RNASE4: variants seen among roughly 807,000 people sequenced by gnomAD.
The protein encoded by RNASE4 is ribonuclease 4.
For synonymous variants in RNASE4, 93 were observed against 71.4 expected (o/e 1.30, Z -1.52); for missense variants, 194 against 192.8 (o/e 1.01, Z -0.04).
intron 1 of RNASE4, among the ~76,000 whole-genome samples, chr14:20,685,270 C>A (rs1183875235): frequency 6.6e-6 from 1 of 152,158 alleles, no homozygotes; most frequent in Non-Finnish European, 1.5e-5. Flanking sequence ...CTAAGCCTTC[C>A]TACTGGAAGG....
chr14:20,693,463 G>A, intron 1 of RNASE4: 5 of 1,554,010 alleles, frequency 3.2e-6, no homozygotes, highest in Middle Eastern at 4.6e-4. Context: ...ATGATGCCGT[G>A]TCAGAGAGCA....
chr14:20,688,914 C>T (rs1886553562), intron 1 of RNASE4: 6 of 952,250 alleles, frequency 6.3e-6, no homozygotes, highest in South Asian at 9.7e-5. Context: ...TTATTTCTAG[C>T]CATCCATCCA....
chr14:20,699,752 C>T lies in RNASE4; in HGVS notation c.381C>T (p.Ser127=). The T allele has an allele frequency of 1.9e-6, 3 of 1,611,770 alleles. No individual in the cohort carries two copies. Among genetic ancestry groups the T allele is most frequent in the Middle Eastern group, 3.3e-4 (2 of 6,062 alleles). The change falls in exon 2 of 2, where the codon AGC becomes AGT. Residue 127 remains serine, a synonymous_variant. Coordinates refer to ENST00000555835, the MANE Select transcript of RNASE4 (RefSeq NM_002937.5). ...ACTGCAGATATCGGGCCATAGCGAGCACTAGACGTGTTGTCATTGCCTGTG... is the reference window on the plus strand; with the variant it reads ...ACTGCAGATATCGGGCCATAGCGAGTACTAGACGTGTTGTCATTGCCTGTG... The part of the protein sequence containing the change: ...APNCRYRAIA[S]TRRVVIACEG...
intron 1 of RNASE4, among the ~76,000 whole-genome samples, chr14:20,695,168 G>A (rs762301368): frequency 2.6e-5 from 4 of 152,130 alleles, no homozygotes; most frequent in African/African-American, 4.8e-5. Context: ...AAGCTGAGGC[G>A]GACAGATCAC....
intron 1 of RNASE4, among the ~76,000 whole-genome samples, chr14:20,690,221 C>CAAAAAAAAAAAAAAAAA (rs36091065): frequency 2.5e-4 from 17 of 67,982 alleles, no homozygotes; most frequent in Non-Finnish European, 3.5e-4. Context: ...GACTCCGTCT[C>CAAAAAAAAAAAAAAAAA]AAAAAAAAAA....
intron 1 of RNASE4, chr14:20,688,617 C>A (rs1488144768): frequency 3.5e-6 from 3 of 853,744 alleles, no homozygotes; most frequent in Non-Finnish European, 4.2e-6. Flanking sequence ...ATCTCTAATC[C>A]ATTCAGGTGG....
Position 20,701,166 on chromosome 14 carries a change from A to T in RNASE4, c.*1351A>T, listed in dbSNP as rs931611110. ...CTCCCTTTGCTGACTCCTTTTTTGG[A>T]CTCAGTCTGCCTGCACCCAGGTGAT... On this transcript the variant is annotated 3_prime_UTR_variant, in exon 2 of 2. Transcript: ENST00000555835. The T allele has an allele frequency of 6.6e-6, 1 of 151,966 alleles. No individual in the cohort carries two copies. Among genetic ancestry groups the T allele is most frequent in the African/African-American group, 2.4e-5 (1 of 41,348 alleles). 9.4% of individuals were successfully genotyped at this position (151,966 alleles called of 1,614,324 possible).
rs1265169552 is a variant in RNASE4 at position 20,700,568 on chromosome 14, T to A, written c.*753T>A. 1 of 167,100 alleles carries A rather than the reference T, an allele frequency of 6.0e-6. No individual in the cohort carries two copies. The highest frequency in any genetic ancestry group is 1.5e-5 in the Non-Finnish European group (1 of 68,122). The allele number at this position is 167,100 out of a possible 1,614,324, so 10.4% of individuals were successfully genotyped here. On this transcript the variant is annotated 3_prime_UTR_variant, in exon 2 of 2. Coordinates refer to ENST00000555835, the MANE Select transcript of RNASE4 (RefSeq NM_002937.5). Reference sequence around the variant, plus strand: ...ATTGAAAGATTTTTTATGTTTTCCTTGTAATAAAGGACCTAAACCGAAGGT... The same window carrying A: ...ATTGAAAGATTTTTTATGTTTTCCTAGTAATAAAGGACCTAAACCGAAGGT...
chr14:20,695,490 G>T (rs1435012430), intron 1 of RNASE4, among the ~76,000 whole-genome samples: 1 of 151,950 alleles, frequency 6.6e-6, no homozygotes. Flanking sequence ...CATAACTTAG[G>T]TTAACACACT....
chr14:20,691,361 C>G (rs570381480), intron 1 of RNASE4, among the ~76,000 whole-genome samples: 1 of 152,292 alleles, frequency 6.6e-6, no homozygotes, highest in South Asian at 2.1e-4. Flanking sequence ...GAGCAAGAGA[C>G]TTAATTGATT....
chr14:20,694,862 A>C (rs983221105), intron 1 of RNASE4, among the ~76,000 whole-genome samples: 1 of 150,976 alleles, frequency 6.6e-6, no homozygotes, highest in African/African-American at 2.4e-5. Context: ...AGTTTCTCTC[A>C]CTCTTACACA....
intron 1 of RNASE4, among the ~76,000 whole-genome samples, chr14:20,693,297 C>G (rs1451782117): frequency 6.6e-6 from 1 of 152,038 alleles, no homozygotes; most frequent in Non-Finnish European, 1.5e-5. Flanking sequence ...GAGAAATACT[C>G]AGTGATTCTA....
At chr14:20,688,803 A>G (rs1886548279) in intron 1 of RNASE4, 3 of 985,312 alleles carry the variant, frequency 3.0e-6, no homozygotes, top group African/African-American at 1.7e-5. Context: ...ACCCATCTCC[A>G]GGAACAAACA....
At chr14:20,693,652 T>A (rs1026277857) in intron 1 of RNASE4, 1 of 1,614,106 alleles carries the variant, frequency 6.2e-7, no homozygotes, top group African/African-American at 1.3e-5. Context: ...TAACTCCAGG[T>A]ACACACACTT....
rs747847790 is a variant in RNASE4 at position 20,693,800 on chromosome 14, C to T, written c.-17-5555C>T. On this transcript the variant is annotated intron_variant, in intron 1 of 1. Transcript: ENST00000555835. ...CATGGCAACAAGCGCAGCATCAAGG[C>T]CATCTGTGAAAACAAGAATGGAAAC... The T allele has an allele frequency of 3.1e-6, 5 of 1,614,154 alleles. No homozygotes were observed. The South Asian group carries it at 5.5e-5, about 18-fold the overall frequency.
Position 20,700,041 on chromosome 14 carries a change from T to C in RNASE4, c.*226T>C, listed in dbSNP as rs534669211. The C allele has an allele frequency of 9.6e-4, 536 of 558,950 alleles. 1 individual carries two copies. The highest frequency in any genetic ancestry group is 9.0e-4 in the Non-Finnish European group (276 of 305,376). 34.6% of individuals were successfully genotyped at this position (558,950 alleles called of 1,614,324 possible). ...TTCTGTAATAAGCTTCCTTTTATAA[T>C]ACTGGTCAGCTTAGCTCTCTCAGAT... On this transcript the variant is annotated 3_prime_UTR_variant, in exon 2 of 2. Coordinates refer to ENST00000555835, the MANE Select transcript of RNASE4 (RefSeq NM_002937.5).
intron 1 of RNASE4, among the ~76,000 whole-genome samples, chr14:20,690,774 A>G (rs948839526): frequency 4.6e-5 from 7 of 152,228 alleles, no homozygotes; most frequent in Admixed American, 3.3e-4. Flanking sequence ...AATGAAGTCA[A>G]TTACTTAAAA....
intron 1 of RNASE4, among the ~76,000 whole-genome samples, chr14:20,692,460 C>A (rs571424605): frequency 6.6e-6 from 1 of 152,342 alleles, no homozygotes; most frequent in East Asian, 1.9e-4. Context: ...GAACAGAGGT[C>A]CCCAAATCCC....
rs1006723566 is a variant in RNASE4 at position 20,692,941 on chromosome 14, G to C, written c.-17-6414G>C. Among the ~76,000 whole-genome samples, 3 of 152,004 alleles carry C rather than the reference G, an allele frequency of 2.0e-5. No homozygotes were observed. The East Asian group carries it at 5.8e-4, about 29-fold the overall frequency. On this transcript the variant is annotated intron_variant, in intron 1 of 1. Transcript: ENST00000555835. ...CGGCTCACTGCAAGCTCCGCCTCCCGGGTTCACGCCATTCTCCTGCCTCAG... is the reference window on the plus strand; with the variant it reads ...CGGCTCACTGCAAGCTCCGCCTCCCCGGTTCACGCCATTCTCCTGCCTCAG...
Sources: gnomAD v4.1 joint callset for allele counts (sites outside exome capture counted in the v4.1 genomes callset) on GRCh38, gnomAD v4.1.1 for gene constraint, MANE v1.5 for transcripts, NCBI Gene and HGNC (gene_info 2026-07-23, HGNC 2026-07-21) for gene names.